Variants in SHTN1 observed in about 807,000 individuals in gnomAD.
The protein encoded by SHTN1 is shootin-1.
In SHTN1, 42 loss-of-function variants were observed where a neutral mutation model predicts 83.1. The observed-to-expected ratio is 0.51, with a 90% CI of 0.39 to 0.65. The LOEUF (loss-of-function observed/expected upper bound fraction) is 0.65. SHTN1 is among the 30% of genes least tolerant of loss of function. SHTN1 has a pLI of 0.00. For missense variants in SHTN1, 622 were observed against 737.8 expected, an observed-to-expected ratio of 0.84 and a Z score of 1.82; for synonymous variants, 224 against 247.7, an observed-to-expected ratio of 0.90 and a Z score of 0.90.
chr10:117,041,186 C>A (rs1160570679), intron 2 of SHTN1, among the ~76,000 whole-genome samples: 1 of 151,274 alleles, frequency 6.6e-6, no homozygotes, highest in African/African-American at 2.4e-5. Context: ...GAGGACAAGG[C>A]CTGTTTCTCT....
chr10:116,988,749 C>G (rs1401679933), intron 1 of SHTN1, among the ~76,000 whole-genome samples: 1 of 151,776 alleles, frequency 6.6e-6, no homozygotes, highest in African/African-American at 2.4e-5. Context: ...GTTAGGTTGC[C>G]AAGGCTGGTT....
At chr10:116,892,384 G>A (rs1847365553) in intron 16 of SHTN1, among the ~76,000 whole-genome samples, 1 of 152,206 alleles carries the variant, frequency 6.6e-6, no homozygotes, top group Non-Finnish European at 1.5e-5. Context: ...TGAAATGTGG[G>A]TGATCATTTT....
At chr10:117,102,857 T>C (rs955470437) in intron 1 of SHTN1, among the ~76,000 whole-genome samples, 24 of 152,312 alleles carry the variant, frequency 1.6e-4, no homozygotes, top group African/African-American at 4.1e-4. Context: ...ATGGGAAGAA[T>C]GGACTCAGCA....
chr10:117,074,621 T>C (rs1337021228), intron 1 of SHTN1, among the ~76,000 whole-genome samples: 2 of 152,226 alleles, frequency 1.3e-5, no homozygotes, highest in Non-Finnish European at 2.9e-5. Flanking sequence ...TTAATTTCCA[T>C]ATCACTTTCC....
In SHTN1 at chr10:117,097,026, CATAG is replaced by C. The variant is rs1425624302; in HGVS notation, c.-189+29277_-189+29280del. 1.2e-3 allele frequency among the ~76,000 whole-genome samples: 146 copies of C among 122,584 alleles called. 2 individuals carry two copies. Among genetic ancestry groups the C allele is most frequent in the Admixed American group, 0.012 (125 of 10,552 alleles). 80.4% of individuals were successfully genotyped at this position (122,584 alleles called of 152,430 possible). Reference sequence around the variant, plus strand: ...GCGCACGCGCGCGCACACACACACACATAGACACACACACACACACACACACACA... The same window carrying C: ...GCGCACGCGCGCGCACACACACACACACACACACACACACACACACACACA... On this transcript the variant is annotated intron_variant, in intron 1 of 17. Transcript: ENST00000392901.
chr10:117,091,598 A>C (rs1212720695), intron 1 of SHTN1, among the ~76,000 whole-genome samples: 1 of 152,224 alleles, frequency 6.6e-6, no homozygotes, highest in Non-Finnish European at 1.5e-5. Context: ...GCCCATTTCC[A>C]AGCAGCCTCT....
chr10:116,902,337 CA>C (rs1452582827), intron 15 of SHTN1, among the ~76,000 whole-genome samples: 1 of 152,214 alleles, frequency 6.6e-6, no homozygotes, highest in African/African-American at 2.4e-5. Flanking sequence ...TCCCAAAACT[CA>C]GTTCTGCATT....
chr10:116,906,891 T>C, intron 14 of SHTN1, 144 bp from the exon 15 acceptor site: 1 of 647,368 alleles, frequency 1.5e-6, no homozygotes, highest in Non-Finnish European at 2.4e-6. Flanking sequence ...TAATATTTTT[T>C]AAATGTGCAC....
At chr10:116,990,429 G>A (rs1277400454) in intron 1 of SHTN1, among the ~76,000 whole-genome samples, 1 of 151,764 alleles carries the variant, frequency 6.6e-6, no homozygotes, top group Non-Finnish European at 1.5e-5. Context: ...CAGGGGGCAC[G>A]AATTGTCAGA....
intron 16 of SHTN1, among the ~76,000 whole-genome samples, chr10:116,894,422 T>C (rs890420111): frequency 7.2e-5 from 11 of 152,344 alleles, no homozygotes; most frequent in South Asian, 6.2e-4. Flanking sequence ...AAACTGCCTG[T>C]CTGGCAGTTA....
At chr10:116,889,725 C>T (rs1314165099) in intron 16 of SHTN1, among the ~76,000 whole-genome samples, 1 of 152,222 alleles carries the variant, frequency 6.6e-6, no homozygotes, top group Non-Finnish European at 1.5e-5. Flanking sequence ...CTCCTAGAAA[C>T]AGGAGGCTAC....
At chr10:116,967,464 C>T (rs1187042056) in intron 3 of SHTN1, among the ~76,000 whole-genome samples, 1 of 152,106 alleles carries the variant, frequency 6.6e-6, no homozygotes, top group Non-Finnish European at 1.5e-5. Context: ...ATGTAAAAAG[C>T]CATACATATT....
intron 15 of SHTN1, 82 bp downstream of exon 15, chr10:116,906,545 G>T (rs897481540): frequency 7.4e-7 from 1 of 1,357,358 alleles, no homozygotes; most frequent in South Asian, 1.6e-5. Flanking sequence ...CTTTTTAAAA[G>T]ATTGTTTCAT....
At chr10:117,005,188 G>A, upstream of SHTN1, 1 of 1,536,028 alleles carries the variant, frequency 6.5e-7, no homozygotes, top group South Asian at 1.2e-5. Context: ...CCACTACCCG[G>A]AAGTTGGATC....
intron 1 of SHTN1, among the ~76,000 whole-genome samples, chr10:116,992,429 C>A (rs61872994): frequency 6.6e-6 from 1 of 152,176 alleles, no homozygotes; most frequent in African/African-American, 2.4e-5. Flanking sequence ...TCTAACTAAC[C>A]CCAAATCTCA....
intron 1 of SHTN1, among the ~76,000 whole-genome samples, chr10:117,052,097 AT>A (rs1246297938): frequency 6.7e-6 from 1 of 148,322 alleles, no homozygotes; most frequent in Non-Finnish European, 1.5e-5. Context: ...TCATAAAAAA[AT>A]AAACATGTAA....
chr10:116,924,744 C>CTTTT (rs1564879304), intron 11 of SHTN1, among the ~76,000 whole-genome samples: 8 of 133,666 alleles, frequency 6.0e-5, no homozygotes, highest in Admixed American at 1.6e-4. Context: ...GAATTTTCAC[C>CTTTT]TATTTTTTTT....
chr10:116,932,065 T>G (rs1484282521), intron 9 of SHTN1, among the ~76,000 whole-genome samples: 1 of 152,218 alleles, frequency 6.6e-6, no homozygotes, highest in Non-Finnish European at 1.5e-5. Flanking sequence ...AAACCATACT[T>G]CAAATTCTGG....
chr10:116,907,827 G>T, intron 14 of SHTN1: 1 of 504,968 alleles, frequency 2.0e-6, no homozygotes. Flanking sequence ...GACAGCTTTT[G>T]TCCACCAAGG....
Sources: gnomAD v4.1 joint callset for allele counts (sites outside exome capture counted in the v4.1 genomes callset) on GRCh38, gnomAD v4.1.1 for gene constraint, MANE v1.5 for transcripts, NCBI Gene and HGNC (gene_info 2026-07-23, HGNC 2026-07-21) for gene names.